The following PRMT8 variants were observed in gnomAD, a reference collection of about 807,000 sequenced individuals.
PRMT8 encodes protein arginine N-methyltransferase 8.
In PRMT8, 7 loss-of-function variants were observed where a neutral mutation model predicts 47.1. The observed-to-expected ratio is 0.15, with a 90% CI of 0.08 to 0.28. The LOEUF is 0.28. Among genes scored for constraint, PRMT8 ranks in the 10% least tolerant of loss-of-function variants. PRMT8 has a pLI of 1.00. For synonymous variants in PRMT8, 188 were observed against 186.5 expected, an observed-to-expected ratio of 1.01 and a Z score of -0.07; for missense variants, 237 against 505.4, an observed-to-expected ratio of 0.47 and a Z score of 5.09.
chr12:3,466,657 T>G (rs1338054404), intron 1 of PRMT8, among the ~76,000 whole-genome samples: 1 of 152,148 alleles, frequency 6.6e-6, no homozygotes, highest in Non-Finnish European at 1.5e-5. Flanking sequence ...ACAAATACGC[T>G]CAACAGCTAG....
intron 4 of PRMT8, among the ~76,000 whole-genome samples, chr12:3,556,832 G>A (rs1163650017): frequency 6.6e-6 from 1 of 151,844 alleles, no homozygotes; most frequent in Admixed American, 6.6e-5. Context: ...GCCCAGTGGA[G>A]GGGTGGTCTT....
At chr12:3,543,322 T>G (rs1866266708) in intron 2 of PRMT8, among the ~76,000 whole-genome samples, 1 of 152,190 alleles carries the variant, frequency 6.6e-6, no homozygotes, top group Non-Finnish European at 1.5e-5. Flanking sequence ...GTGGAAGAAC[T>G]TTTAACACCA....
Position 3,569,494 on chromosome 12 carries a change from G to T in PRMT8, c.642G>T (p.Met214Ile). 2 of 1,614,196 alleles carry T rather than the reference G, an allele frequency of 1.2e-6. No individual in the cohort carries two copies. Among genetic ancestry groups the T allele is most frequent in the Non-Finnish European group, 8.5e-7 (1 of 1,180,034 alleles). Residue 214 changes from methionine (M) to isoleucine (I), a missense_variant, in exon 6 of 10, where the codon ATG (methionine) becomes ATT (isoleucine). Met to Ile is a conservative substitution (Grantham distance 10). Coordinates refer to ENST00000382622, the MANE Select transcript of PRMT8 (RefSeq NM_019854.5). The surrounding 1 kb of genome is among the most constrained non-coding windows in gnomAD (Gnocchi z 8.2). The stretch of plus-strand genomic sequence containing the variant: ...ATCAACAGAAACCTGGAGGGCTTAT[G>T]TTTCCAGACCGGGCAGCTTTGTACG... ...RDKWLKPGGL[M>I]FPDRAALYVV...
intron 1 of PRMT8, among the ~76,000 whole-genome samples, chr12:3,534,998 G>T (rs1866093794): frequency 6.6e-6 from 1 of 152,246 alleles, no homozygotes; most frequent in Non-Finnish European, 1.5e-5. Flanking sequence ...AAAGTGCTTG[G>T]CGCAGCGCCT....
chr12:3,438,262 G>A (rs1421385047), intron 1 of PRMT8, among the ~76,000 whole-genome samples: 5 of 152,288 alleles, frequency 3.3e-5, no homozygotes, highest in East Asian at 1.9e-4. Context: ...TGCAAGGACC[G>A]TCTCCCGTTT....
At chr12:3,592,194 T>A (rs201016852) in intron 8 of PRMT8, 37 bp from the exon 9 acceptor site, 121 of 1,537,564 alleles carry the variant, frequency 7.9e-5, no homozygotes, top group Non-Finnish European at 1.0e-4. Context: ...CGTCTCTGAC[T>A]CTTTCTTCCC....
rs557353494 is a variant in PRMT8, at chr12:3,556,309, G to A, written c.481+2595G>A. Among the ~76,000 whole-genome samples, 84 of 152,126 alleles carry A rather than the reference G, an allele frequency of 5.5e-4. 2 individuals carry two copies. In the South Asian group the frequency reaches 0.017, roughly 30 times the overall value. ...AATGGGCCAAAGATGGGGCTCTAGG[G>A]CACTACACTGCAACATTCGGAGGTC... On this transcript the variant is annotated intron_variant, in intron 4 of 9. Coordinates refer to ENST00000382622, the MANE Select transcript of PRMT8 (RefSeq NM_019854.5).
At position 3,540,535 on chromosome 12, in the gene PRMT8, A is replaced by C. The variant is rs907990795; in HGVS notation, c.76-71A>C. 1.5e-5 allele frequency: 16 copies of C among 1,037,926 alleles called. No homozygotes were observed. In the African/African-American group the frequency reaches 2.4e-4, roughly 15 times the overall value. 64.3% of individuals were successfully genotyped at this position (1,037,926 alleles called of 1,614,324 possible). A position where few individuals can be genotyped will look rare whatever the true frequency, so the allele number is the denominator to read the frequency against. ...CGGGCTCAGGGAGGGGGAAGGAAAG[A>C]GGACCGCAAGCCTCCGAGGGCGGGA... On this transcript the variant is annotated intron_variant, in intron 1 of 9. Coordinates refer to ENST00000382622, the MANE Select transcript of PRMT8 (RefSeq NM_019854.5).
intron 1 of PRMT8, among the ~76,000 whole-genome samples, chr12:3,530,995 CA>C (rs1335214361): frequency 6.6e-6 from 1 of 152,182 alleles, no homozygotes; most frequent in Non-Finnish European, 1.5e-5. Flanking sequence ...AGGAGAGAAG[CA>C]AGTCCAGAAC....
Position 3,456,940 on chromosome 12 carries a change from G to A in PRMT8, c.48+75498G>A, listed in dbSNP as rs1864980305. ...GGCTGACGTCCTAGCCGTGTTAAGGGGGTGGGGGCTCTGGCCTCGCTGACC... is the reference window on the plus strand; with the variant it reads ...GGCTGACGTCCTAGCCGTGTTAAGGAGGTGGGGGCTCTGGCCTCGCTGACC... On this transcript the variant is annotated intron_variant, in intron 1 of 9. Transcript: ENST00000452611. The surrounding 1 kb of genome is among the most constrained non-coding windows in gnomAD (Gnocchi z 4.2). Among the ~76,000 whole-genome samples, 1 of 152,190 alleles carries A rather than the reference G, an allele frequency of 6.6e-6. No individual in the cohort carries two copies. Among genetic ancestry groups the A allele is most frequent in the African/African-American group, 2.4e-5 (1 of 41,436 alleles).
At chr12:3,405,917 A>G (rs1208850242) in intron 1 of PRMT8, among the ~76,000 whole-genome samples, 1 of 152,270 alleles carries the variant, frequency 6.6e-6, no homozygotes, top group Non-Finnish European at 1.5e-5. Flanking sequence ...TCCACTAGGC[A>G]GTGCCCAAGT....
intron 1 of PRMT8, among the ~76,000 whole-genome samples, chr12:3,533,367 A>C (rs1866064554): frequency 6.6e-6 from 1 of 152,238 alleles, no homozygotes; most frequent in East Asian, 1.9e-4. Context: ...TCCAACCTGC[A>C]GCCTGCACAC....
At chr12:3,446,605 T>C (rs1296214479) in intron 1 of PRMT8, among the ~76,000 whole-genome samples, 1 of 152,048 alleles carries the variant, frequency 6.6e-6, no homozygotes, top group Non-Finnish European at 1.5e-5. Context: ...GGAAACGGAG[T>C]CCCAGCTGTG....
intron 1 of PRMT8, among the ~76,000 whole-genome samples, chr12:3,517,909 T>G (rs551355640): frequency 1.3e-5 from 2 of 152,258 alleles, no homozygotes; most frequent in Middle Eastern, 6.8e-3. Context: ...GGTCTAAGTT[T>G]GGCTCAGATA....
rs1818831681 is a variant in PRMT8, at chr12:3,456,496, C to A, written c.48+75054C>A. On this transcript the variant is annotated intron_variant, in intron 1 of 9. Transcript: ENST00000452611. The surrounding 1 kb of genome is among the most constrained non-coding windows in gnomAD (Gnocchi z 4.2). ...CTCTCCCAGGTGGGAGGGCAGGACC[C>A]ACGAGCACACATTCGGCATCACGAG... Among the ~76,000 whole-genome samples, 1 of 152,174 alleles carries A rather than the reference C, an allele frequency of 6.6e-6. No homozygotes were observed. Among genetic ancestry groups the A allele is most frequent in the South Asian group, 2.1e-4 (1 of 4,820 alleles).
chr12:3,513,253 G>T (rs1215810855), intron 1 of PRMT8, among the ~76,000 whole-genome samples: 1 of 152,174 alleles, frequency 6.6e-6, no homozygotes, highest in African/African-American at 2.4e-5. Context: ...GTCTCAGAAA[G>T]TTCTCTGTTC....
intron 1 of PRMT8, among the ~76,000 whole-genome samples, chr12:3,381,919 A>C (rs1864095999): frequency 6.6e-6 from 1 of 152,138 alleles, no homozygotes; most frequent in Non-Finnish European, 1.5e-5. Context: ...CCACTAATTC[A>C]TTCTCTATTT....
intron 1 of PRMT8, among the ~76,000 whole-genome samples, chr12:3,397,514 A>C (rs1864266187): frequency 6.6e-6 from 1 of 151,098 alleles, no homozygotes; most frequent in East Asian, 2.0e-4. Context: ...CCTCCCAGTT[A>C]GGCTGCTCGG....
rs1477408786 is a variant in PRMT8 at position 3,557,572 on chromosome 12, GC to G, written c.481+3859del. Among the ~76,000 whole-genome samples the G allele has an allele frequency of 6.6e-6, 1 of 152,186 alleles. No homozygotes were observed. Among genetic ancestry groups the G allele is most frequent in the Non-Finnish European group, 1.5e-5 (1 of 68,024 alleles). ...TCTTCTGTGCCCTCCTCAGAGAAGT[GC>G]TTGACCCGGGCTCCCTATCTGCTTA... On this transcript the variant is annotated intron_variant, in intron 4 of 9. Transcript: ENST00000382622. This position sits in a 1 kb window ranked among gnomAD's most constrained non-coding sequence, Gnocchi z 4.7.
Sources: allele counts gnomAD v4.1 joint callset (sites outside exome capture counted in the v4.1 genomes callset), GRCh38; gene constraint gnomAD v4.1.1; non-coding constraint Gnocchi (gnomAD v3.1); transcripts MANE v1.5; gene names NCBI Gene and HGNC (gene_info 2026-07-23, HGNC 2026-07-21).